The following NDC1 variants were observed in gnomAD, a reference collection of about 807,000 sequenced individuals.
The protein encoded by NDC1 is nucleoporin NDC1.
NDC1 carries 24 observed loss-of-function variants against 89.8 expected under a neutral mutation model. That is an observed-to-expected ratio of 0.27 (90% confidence interval 0.19 to 0.38). The LOEUF (loss-of-function observed/expected upper bound fraction) is 0.38, where lower values mean the gene tolerates loss of function less well. NDC1 is among the 10% of genes least tolerant of loss of function. The pLI is 1.00. For synonymous variants in NDC1, 296 were observed against 284.8 expected, an observed-to-expected ratio of 1.04 and a Z score of -0.39; for missense variants, 728 against 797.6, an observed-to-expected ratio of 0.91 and a Z score of 1.05.
At chr1:53,768,861 T>C (rs1647088658) in intron 17 of NDC1, among the ~76,000 whole-genome samples, 1 of 152,224 alleles carries the variant, frequency 6.6e-6, no homozygotes, top group Non-Finnish European at 1.5e-5. Flanking sequence ...TAGGTGCTAG[T>C]GAGGCTGTCT....
chr1:53,790,073 A>G (rs1647437096), intron 14 of NDC1, among the ~76,000 whole-genome samples: 1 of 151,994 alleles, frequency 6.6e-6, no homozygotes, highest in East Asian at 1.9e-4. Flanking sequence ...AGTGCATTCC[A>G]GCCTGGGATA....
Position 53,797,106 on chromosome 1 carries a change from G to A in NDC1, c.1261C>T (p.Pro421Ser). 1 of 1,614,150 alleles carries A rather than the reference G, an allele frequency of 6.2e-7. No individual in the cohort carries two copies. The highest frequency in any genetic ancestry group is 1.3e-5 in the African/African-American group (1 of 75,056). The change falls in exon 12 of 18, where the codon CCT becomes TCT. Residue 421 changes from proline (P) to serine (S), a missense_variant. Coordinates refer to ENST00000371429, the MANE Select transcript of NDC1 (RefSeq NM_018087.5). ...ACTAATGGTGGCACTGAAGGCCGAGGCATCTGGCTAGATTTTGGTGTCTGA... is the reference window on the plus strand; with the variant it reads ...ACTAATGGTGGCACTGAAGGCCGAGACATCTGGCTAGATTTTGGTGTCTGA... ...AFQTPKSSQM[P>S]RPSVPPLVKT...
At chr1:53,827,502 T>C (rs1648909925) in intron 4 of NDC1, among the ~76,000 whole-genome samples, 1 of 152,222 alleles carries the variant, frequency 6.6e-6, no homozygotes, top group African/African-American at 2.4e-5. Flanking sequence ...ATCAATGCCA[T>C]GTGTTCAAGA....
At position 53,767,054 on chromosome 1, in the gene NDC1, C is replaced by A. The variant is rs1396532805; in HGVS notation, c.*916G>T. On this transcript the variant is annotated 3_prime_UTR_variant, in exon 18 of 18. Coordinates refer to ENST00000371429, the MANE Select transcript of NDC1 (RefSeq NM_018087.5). ...CATTTAACACTACAGAGGCTGCTCC[C>A]TTTGAGAGACCAGACAAGTTTCACA... 1 of 152,156 alleles carries A rather than the reference C, an allele frequency of 6.6e-6. No homozygotes were observed. Among genetic ancestry groups the A allele is most frequent in the African/African-American group, 2.4e-5 (1 of 41,446 alleles). 9.4% of individuals were successfully genotyped at this position (152,156 alleles called of 1,614,324 possible). A position where few individuals can be genotyped will look rare whatever the true frequency, so the allele number is the denominator to read the frequency against.
chr1:53,815,274 C>T (rs570053284), intron 6 of NDC1, among the ~76,000 whole-genome samples: 26 of 152,274 alleles, frequency 1.7e-4, no homozygotes, highest in South Asian at 8.3e-4. Context: ...GGGTCTCATG[C>T]CAGGGATGCA....
At chr1:53,802,593 C>A (rs1285738207) in intron 10 of NDC1, among the ~76,000 whole-genome samples, 1 of 152,160 alleles carries the variant, frequency 6.6e-6, no homozygotes, top group Admixed American at 6.5e-5. Context: ...GCGAGAGGAT[C>A]ATATGAGCCC....
rs1055707783 is a variant in NDC1 at position 53,765,687 on chromosome 1, G to T, written c.*2283C>A. Reference sequence around the variant, plus strand: ...GACAATTTCCCAGTTCTCTGGGAAGGAAGTTCTGTGGATTTATACCTTCCA... The same window carrying T: ...GACAATTTCCCAGTTCTCTGGGAAGTAAGTTCTGTGGATTTATACCTTCCA... On this transcript the variant is annotated 3_prime_UTR_variant, in exon 18 of 18. Coordinates refer to ENST00000371429, the MANE Select transcript of NDC1 (RefSeq NM_018087.5). The T allele has an allele frequency of 6.6e-6, 1 of 152,128 alleles. No individual in the cohort carries two copies. The highest frequency in any genetic ancestry group is 1.5e-5 in the Non-Finnish European group (1 of 68,032). 9.4% of individuals were successfully genotyped at this position (152,128 alleles called of 1,614,324 possible). A position where few individuals can be genotyped will look rare whatever the true frequency, so the allele number is the denominator to read the frequency against.
chr1:53,795,698 C>G (rs1377762004), intron 13 of NDC1, among the ~76,000 whole-genome samples: 1 of 152,192 alleles, frequency 6.6e-6, no homozygotes, highest in African/African-American at 2.4e-5. Flanking sequence ...CACTACCACT[C>G]TGGTCCCAGA....
chr1:53,792,154 G>A (rs1287992723), intron 14 of NDC1, among the ~76,000 whole-genome samples: 2 of 152,122 alleles, frequency 1.3e-5, no homozygotes, highest in South Asian at 4.1e-4. Context: ...GTGTTAGCCA[G>A]GATGGTCTTG....
intron 6 of NDC1, among the ~76,000 whole-genome samples, chr1:53,815,676 A>G (rs760623745): frequency 6.6e-6 from 1 of 152,216 alleles, no homozygotes; most frequent in African/African-American, 2.4e-5. Flanking sequence ...CTGTTTGCTG[A>G]TGATATGATC....
chr1:53,802,898 T>G (rs576127484), intron 10 of NDC1, among the ~76,000 whole-genome samples: 1 of 152,016 alleles, frequency 6.6e-6, no homozygotes, highest in Admixed American at 6.5e-5. Context: ...GGAGGCAGAG[T>G]AGCATAGCAG....
At chr1:53,832,800 G>A (rs1222804460) in intron 2 of NDC1, among the ~76,000 whole-genome samples, 1 of 152,152 alleles carries the variant, frequency 6.6e-6, no homozygotes, top group Non-Finnish European at 1.5e-5. Context: ...GGATCACTAA[G>A]CCAGGGAGCT....
chr1:53,775,133 T>C (rs1317056309), intron 16 of NDC1, among the ~76,000 whole-genome samples: 6 of 152,254 alleles, frequency 3.9e-5, no homozygotes, highest in Non-Finnish European at 7.3e-5. Context: ...TCAATTCTTC[T>C]GGTTCTTTTT....
intron 16 of NDC1, among the ~76,000 whole-genome samples, chr1:53,777,186 A>AT (rs1230101796): frequency 6.6e-6 from 1 of 151,870 alleles, no homozygotes; most frequent in East Asian, 1.9e-4. Context: ...CACCCAGCTA[A>AT]TTTTTTTTAA....
intron 16 of NDC1, among the ~76,000 whole-genome samples, chr1:53,786,049 C>T (rs1201032987): frequency 6.6e-6 from 1 of 152,056 alleles, no homozygotes; most frequent in Non-Finnish European, 1.5e-5. Context: ...CTCAGCGTCC[C>T]GAGTAGGTGG....
chr1:53,828,229 G>A, intron 3 of NDC1, 56 bp from the exon 4 acceptor site: 2 of 1,498,936 alleles, frequency 1.3e-6, no homozygotes, highest in Non-Finnish European at 1.8e-6. Context: ...GCAGTTAGAG[G>A]ATCTAAACTA....
Position 53,796,993 on chromosome 1 carries a change from C to T in NDC1, c.1374G>A (p.Arg458=), listed in dbSNP as rs756004347. 22 of 1,614,036 alleles carry T rather than the reference C, an allele frequency of 1.4e-5. No homozygotes were observed. The highest frequency in any genetic ancestry group is 2.7e-5 in the African/African-American group (2 of 74,912). The change falls in exon 12 of 18, where the codon CGG becomes CGA. Residue 458 remains arginine (R), a synonymous_variant. Transcript: ENST00000371429. The stretch of plus-strand genomic sequence containing the variant: ...TGTTTACATCAAAAATTCCAGCCAT[C>T]CGATTCATTACACTAGAGCCAAATG... ...GTPFGSSVMN[R]MAGIFDVNTC...
chr1:53,816,808 C>T (rs1288782829), intron 6 of NDC1, among the ~76,000 whole-genome samples: 1 of 151,952 alleles, frequency 6.6e-6, no homozygotes. Context: ...GGGCTAAGGA[C>T]ATGAATAGAC....
Position 53,804,021 on chromosome 1 carries a change from A to T in NDC1, c.985-12T>A. The T allele has an allele frequency of 6.3e-7, 1 of 1,592,980 alleles. No homozygotes were observed. Among genetic ancestry groups the T allele is most frequent in the South Asian group, 1.1e-5 (1 of 90,066 alleles). On this transcript the variant is annotated splice_polypyrimidine_tract_variant and intron_variant, in intron 9 of 17. Coordinates refer to ENST00000371429, the MANE Select transcript of NDC1 (RefSeq NM_018087.5). ...TGCAAGGCTAAATACTAACAGGGGG[A>T]AAAAACACATATTATTTAATTTTTT...
Sources: gnomAD v4.1 joint callset for allele counts (sites outside exome capture counted in the v4.1 genomes callset) on GRCh38, gnomAD v4.1.1 for gene constraint, MANE v1.5 for transcripts, NCBI Gene and HGNC (gene_info 2026-07-23, HGNC 2026-07-21) for gene names.